Variants in ZSWIM6 observed in about 807,000 individuals in gnomAD.
ZSWIM6 encodes the protein zinc finger SWIM domain-containing protein 6.
Under a neutral mutation model 113.2 loss-of-function variants are expected in ZSWIM6, and 9 were observed. That is an observed-to-expected ratio of 0.08 (90% confidence interval 0.05 to 0.14). The LOEUF (loss-of-function observed/expected upper bound fraction) is 0.14. Among genes scored for constraint, ZSWIM6 ranks in the 10% least tolerant of loss-of-function variants. The pLI is 1.00. For synonymous variants in ZSWIM6, 611 were observed against 606.5 expected, an observed-to-expected ratio of 1.01 and a Z score of -0.11; for missense variants, 1,162 against 1,552.2, an observed-to-expected ratio of 0.75 and a Z score of 4.22.
At chr5:61,495,415 T>C (rs1208085910) in intron 4 of ZSWIM6, among the ~76,000 whole-genome samples, 21 of 152,208 alleles carry the variant, frequency 1.4e-4, no homozygotes, top group Admixed American at 7.2e-4. Context: ...AAGGATGTGA[T>C]ATCAGTATTT....
At chr5:61,482,875 A>G (rs561320618) in intron 2 of ZSWIM6, among the ~76,000 whole-genome samples, 1 of 151,186 alleles carries the variant, frequency 6.6e-6, no homozygotes, top group East Asian at 1.9e-4. Context: ...ATTCTAATCC[A>G]TCCTCTCAAC....
chr5:61,430,329 G>T (rs1746553117), intron 1 of ZSWIM6, among the ~76,000 whole-genome samples: 1 of 152,082 alleles, frequency 6.6e-6, no homozygotes, highest in African/African-American at 2.4e-5. Flanking sequence ...ATTGTTGATA[G>T]TAATATTCTA....
chr5:61,490,697 A>G, intron 2 of ZSWIM6, 89 bp from the exon 3 acceptor site: 1 of 1,327,256 alleles, frequency 7.5e-7, no homozygotes, highest in Non-Finnish European at 1.0e-6. Flanking sequence ...AGATTGAATT[A>G]AAAAGTAGGC....
At chr5:61,379,652 A>G (rs992838519) in intron 1 of ZSWIM6, among the ~76,000 whole-genome samples, 4 of 152,114 alleles carry the variant, frequency 2.6e-5, no homozygotes, top group Admixed American at 6.5e-5. Context: ...GTCTTGTGAT[A>G]TATGTCTTTT....
chr5:61,455,730 A>T (rs1747192631), intron 1 of ZSWIM6, among the ~76,000 whole-genome samples: 1 of 152,166 alleles, frequency 6.6e-6, no homozygotes, highest in Non-Finnish European at 1.5e-5. Context: ...CTAGTACAGT[A>T]AATTTGTTCA....
intron 1 of ZSWIM6, among the ~76,000 whole-genome samples, chr5:61,380,116 C>T (rs1745445670): frequency 6.6e-6 from 1 of 152,046 alleles, no homozygotes; most frequent in Admixed American, 6.6e-5. Flanking sequence ...GCTCCTGTCA[C>T]CCAGGCTGGA....
intron 1 of ZSWIM6, among the ~76,000 whole-genome samples, chr5:61,440,893 C>T (rs1417226245): frequency 6.6e-6 from 1 of 152,180 alleles, no homozygotes; most frequent in African/African-American, 2.4e-5. Context: ...ATAAACAATT[C>T]ACTATAGTGT....
intron 1 of ZSWIM6, among the ~76,000 whole-genome samples, chr5:61,412,986 A>G (rs1219681608): frequency 6.7e-6 from 1 of 149,902 alleles, no homozygotes; most frequent in African/African-American, 2.5e-5. Context: ...TTATTTCACT[A>G]TTGTTTATTT....
At chr5:61,339,162 A>C (rs201925943) in intron 1 of ZSWIM6, among the ~76,000 whole-genome samples, 1 of 152,208 alleles carries the variant, frequency 6.6e-6, no homozygotes, top group Non-Finnish European at 1.5e-5. Context: ...TGTAGGAATG[A>C]CATGTTTTGT....
At chr5:61,404,839 A>G (rs1490849687) in intron 1 of ZSWIM6, among the ~76,000 whole-genome samples, 1 of 151,980 alleles carries the variant, frequency 6.6e-6, no homozygotes, top group Non-Finnish European at 1.5e-5. Flanking sequence ...ACTTTTAGTT[A>G]TTATACTTAA....
At chr5:61,516,250 CTCTT>C (rs1336512076) in intron 4 of ZSWIM6, among the ~76,000 whole-genome samples, 8 of 150,652 alleles carry the variant, frequency 5.3e-5, no homozygotes, top group Non-Finnish European at 8.9e-5. Context: ...TCTTCCCTCT[CTCTT>C]TCTTTCTTTT....
intron 1 of ZSWIM6, among the ~76,000 whole-genome samples, chr5:61,468,688 A>G (rs1747492427): frequency 6.6e-6 from 1 of 152,188 alleles, no homozygotes; most frequent in South Asian, 2.1e-4. Context: ...GATGTTTTAC[A>G]GCCTTCTTGG....
intron 1 of ZSWIM6, chr5:61,347,010 T>G (rs1744673517): frequency 6.6e-6 from 1 of 152,308 alleles, no homozygotes; most frequent in South Asian, 2.1e-4. Flanking sequence ...TTTTTTGTAG[T>G]TTATATTTTA....
intron 2 of ZSWIM6, among the ~76,000 whole-genome samples, chr5:61,485,962 T>C (rs1222826524): frequency 6.6e-6 from 1 of 152,176 alleles, no homozygotes; most frequent in African/African-American, 2.4e-5. Flanking sequence ...ATGTATTTTG[T>C]TTATTATCAT....
rs528764022 is a variant in ZSWIM6, at chr5:61,522,282, A to G, written c.1513+840A>G. 5.3e-5 allele frequency among the ~76,000 whole-genome samples: 8 copies of G among 152,252 alleles called. No individual in the cohort carries two copies. The South Asian group carries it at 1.7e-3, about 32-fold the overall frequency. ...ATTATTTCTTGCCAATAGAAATTTT[A>G]TTAACTAATTCATGACACTATTTTT... On this transcript the variant is annotated intron_variant, in intron 5 of 13. Transcript: ENST00000252744.
intron 2 of ZSWIM6, among the ~76,000 whole-genome samples, chr5:61,476,406 A>T (rs1424843441): frequency 6.6e-6 from 1 of 152,194 alleles, no homozygotes; most frequent in African/African-American, 2.4e-5. Flanking sequence ...GGTTGTTGGA[A>T]TATAGTTTGT....
At chr5:61,369,109 T>G (rs1745215781) in intron 1 of ZSWIM6, among the ~76,000 whole-genome samples, 1 of 152,244 alleles carries the variant, frequency 6.6e-6, no homozygotes, top group Non-Finnish European at 1.5e-5. Flanking sequence ...ATTGGTGCTT[T>G]TAGTGTGTTG....
intron 1 of ZSWIM6, among the ~76,000 whole-genome samples, chr5:61,356,353 T>A (rs1222904636): frequency 6.6e-6 from 1 of 152,296 alleles, no homozygotes; most frequent in East Asian, 1.9e-4. Flanking sequence ...GCCAATTGAT[T>A]ATTTTGTAGG....
At chr5:61,533,221 C>A (rs543866599) in intron 9 of ZSWIM6, among the ~76,000 whole-genome samples, 1 of 152,222 alleles carries the variant, frequency 6.6e-6, no homozygotes, top group African/African-American at 2.4e-5. Flanking sequence ...AGGTGCAGGA[C>A]AGGAGGCAGT....
Sources: allele counts gnomAD v4.1 joint callset (sites outside exome capture counted in the v4.1 genomes callset), GRCh38; gene constraint gnomAD v4.1.1; transcripts MANE v1.5; gene names NCBI Gene and HGNC (gene_info 2026-07-23, HGNC 2026-07-21).